Variants in SPATA1 observed in about 807,000 individuals in gnomAD.
SPATA1 encodes the protein spermatogenesis-associated protein 1.
SPATA1 carries 57 observed loss-of-function variants against 59.6 expected under a neutral mutation model. That is an observed-to-expected ratio of 0.96 (90% CI 0.77 to 1.19). SPATA1 has a LOEUF of 1.19. SPATA1 is among the 50% of genes most tolerant of loss of function. The pLI is 0.00. For synonymous variants in SPATA1, 147 were observed against 163.9 expected (o/e 0.90, Z 0.79); for missense variants, 448 against 480.7 (o/e 0.93, Z 0.64).
chr1:84,532,078 A>AT (rs1432972470), intron 6 of SPATA1, among the ~76,000 whole-genome samples: 1 of 152,122 alleles, frequency 6.6e-6, no homozygotes, highest in Non-Finnish European at 1.5e-5. Flanking sequence ...ATGAAGGGAG[A>AT]TTTTATCAAT....
chr1:84,533,677 T>A, intron 7 of SPATA1, 32 bp from the exon 8 acceptor site: 1 of 1,476,648 alleles, frequency 6.8e-7, no homozygotes, highest in East Asian at 2.4e-5. Context: ...GATCATGTTT[T>A]AATGACTTTC....
chr1:84,516,467 G>A, intron 2 of SPATA1, 72 bp downstream of exon 2: 1 of 886,212 alleles, frequency 1.1e-6, no homozygotes, highest in South Asian at 1.7e-5. Context: ...TTTTATAAAA[G>A]CAAAAACATA....
chr1:84,533,730 AGAT>A, exon 8 of SPATA1: 1 of 1,565,918 alleles, frequency 6.4e-7, no homozygotes. Context: ...GGGAAAATGA[AGAT>A]GATACAGCTA....
At chr1:84,565,069 G>A (rs1186482082) in intron 4 of SPATA1, among the ~76,000 whole-genome samples, 3 of 151,748 alleles carry the variant, frequency 2.0e-5, no homozygotes, top group Admixed American at 6.6e-5. Flanking sequence ...ATATTAGCTG[G>A]GCATGGTGGC....
chr1:84,516,386 C>T (rs908833980), exon 2 of SPATA1: 4 of 1,499,288 alleles, frequency 2.7e-6, no homozygotes, highest in Non-Finnish European at 3.6e-6. Flanking sequence ...GTCGACCTTC[C>T]TCATCAGAGG....
At chr1:84,524,914 T>C (rs143799631) in intron 4 of SPATA1, among the ~76,000 whole-genome samples, 4 of 152,302 alleles carry the variant, frequency 2.6e-5, no homozygotes, top group South Asian at 4.1e-4. Flanking sequence ...TATTTATCAT[T>C]GTATCCATAC....
Position 84,525,612 on chromosome 1 carries a change from G to A in SPATA1, c.262-84G>A, listed in dbSNP as rs553958625. 4 of 1,113,786 alleles carry A rather than the reference G, an allele frequency of 3.6e-6. No homozygotes were observed. In the East Asian group the frequency reaches 7.3e-5, roughly 20 times the overall value. The allele number at this position is 1,113,786 out of a possible 1,614,324, so 69.0% of individuals were successfully genotyped here. A position where few individuals can be genotyped will look rare whatever the true frequency, so the allele number is the denominator to read the frequency against. On this transcript the variant is annotated intron_variant, in intron 4 of 12. Coordinates refer to ENST00000490879, the Ensembl canonical transcript of SPATA1. The stretch of plus-strand genomic sequence containing the variant: ...ATTTTTATATTTGCCACAAATACAT[G>A]CCTTCTGCAAAAAAAGTAGAGGTAA...
At chr1:84,511,573 C>T (rs1682549356) in intron 1 of SPATA1, among the ~76,000 whole-genome samples, 1 of 149,886 alleles carries the variant, frequency 6.7e-6, no homozygotes, top group Non-Finnish European at 1.5e-5. Context: ...GTCTAGAAAA[C>T]AAACCTCATT....
At chr1:84,522,878 T>G (rs1399072738) in intron 4 of SPATA1, among the ~76,000 whole-genome samples, 2 of 151,972 alleles carry the variant, frequency 1.3e-5, no homozygotes, top group African/African-American at 2.4e-5. Context: ...GATGTGAAAA[T>G]GATATGGCTC....
At chr1:84,548,066 G>A (rs543465859) in intron 10 of SPATA1, among the ~76,000 whole-genome samples, 45 of 152,236 alleles carry the variant, frequency 3.0e-4, no homozygotes, top group Non-Finnish European at 4.6e-4. Flanking sequence ...CAGTAATACC[G>A]GTAGAAGTTG....
intron 6 of SPATA1, among the ~76,000 whole-genome samples, chr1:84,529,176 T>C (rs1683357162): frequency 6.6e-6 from 1 of 152,196 alleles, no homozygotes. Context: ...TATGTGAAAC[T>C]GCTTTGTATC....
downstream of SPATA1, among the ~76,000 whole-genome samples, chr1:84,557,940 A>C (rs1414577244): frequency 6.6e-6 from 1 of 152,086 alleles, no homozygotes; most frequent in Non-Finnish European, 1.5e-5. Flanking sequence ...TGCGCACCAA[A>C]ATGTTTCCTG....
At chr1:84,516,356 G>T (rs2101924560) in exon 2 of SPATA1, 1 of 1,524,614 alleles carries the variant, frequency 6.6e-7, no homozygotes, top group Non-Finnish European at 8.8e-7. Context: ...AGACATTAGT[G>T]AATATGTCAC....
chr1:84,544,317 C>A lies in SPATA1; in HGVS notation c.820+13C>A. ...TTACAAACTGAAAGTAAGTATAGTG[C>A]AATCGTAAGTACAGATGATTCTGTG... On this transcript the variant is annotated intron_variant, in intron 9 of 12. Transcript: ENST00000490879. 6.6e-7 allele frequency: 1 copy of A among 1,520,708 alleles called. No homozygotes were observed. Among genetic ancestry groups the A allele is most frequent in the Non-Finnish European group, 9.0e-7 (1 of 1,116,010 alleles). 94.2% of individuals were successfully genotyped at this position (1,520,708 alleles called of 1,614,324 possible). A position where few individuals can be genotyped will look rare whatever the true frequency, so the allele number is the denominator to read the frequency against.
At chr1:84,529,855 ACT>A in intron 6 of SPATA1, among the ~76,000 whole-genome samples, 1 of 122,260 alleles carries the variant, frequency 8.2e-6, no homozygotes, top group African/African-American at 3.2e-5. Context: ...TGAAGCCTAA[ACT>A]CTTTTTTTTT....
chr1:84,536,535 C>A (rs374643349), intron 8 of SPATA1, among the ~76,000 whole-genome samples: 1 of 152,234 alleles, frequency 6.6e-6, no homozygotes, highest in African/African-American at 2.4e-5. Context: ...GCTCCGCCCC[C>A]CGGGTGCATG....
At chr1:84,548,839 A>G (rs1400723132) in exon 11 of SPATA1, 9 of 1,561,518 alleles carry the variant, frequency 5.8e-6, no homozygotes, top group Non-Finnish European at 7.8e-6. Flanking sequence ...CACAGCATCA[A>G]TGGAGGAGGT....
intron 6 of SPATA1, among the ~76,000 whole-genome samples, chr1:84,532,212 A>ATAAT (rs1683499485): frequency 6.6e-6 from 1 of 152,108 alleles, no homozygotes; most frequent in South Asian, 2.1e-4. Flanking sequence ...AAAGACAATT[A>ATAAT]AGGCCGAACG....
intron 6 of SPATA1, among the ~76,000 whole-genome samples, chr1:84,531,927 T>C (rs950084313): frequency 3.9e-5 from 6 of 152,180 alleles, no homozygotes; most frequent in African/African-American, 1.4e-4. Context: ...ATTAAAAAAA[T>C]TGATTTCTCC....
Sources: allele counts gnomAD v4.1 joint callset (sites outside exome capture counted in the v4.1 genomes callset), GRCh38; gene constraint gnomAD v4.1.1; transcripts MANE v1.5; gene names NCBI Gene and HGNC (gene_info 2026-07-23, HGNC 2026-07-21).